FLT4: variants seen among roughly 807,000 people sequenced by gnomAD.
The protein encoded by FLT4 is vascular endothelial growth factor receptor 3.
Under a neutral mutation model 163.2 loss-of-function variants are expected in FLT4, and 30 were observed. That is an observed-to-expected ratio of 0.18 (90% CI 0.14 to 0.25). The LOEUF is 0.25. Among genes scored for constraint, FLT4 ranks in the 10% least tolerant of loss-of-function variants. The probability of loss-of-function intolerance (pLI) is 1.00; values close to 1 mark genes in which losing one functional copy is unlikely to be tolerated. For missense variants in FLT4, 1,510 were observed against 1,863.8 expected (o/e 0.81, Z 3.50); for synonymous variants, 884 against 789.5 (o/e 1.12, Z -2.01).
In FLT4 at chr5:180,619,058, A is replaced by T; in HGVS notation, c.2813T>A (p.Phe938Tyr). Residue 938 changes from phenylalanine to tyrosine, a missense_variant, in exon 20 of 30, where the codon TTC (phenylalanine) becomes TAC (tyrosine). This residue lies in a region of FLT4 where 878 missense variants were observed against 1,016.7 expected (regional missense o/e 0.86). Coordinates refer to ENST00000261937, the MANE Select transcript of FLT4 (RefSeq NM_182925.5). The part of the protein sequence containing the change: ...EFCKYGNLSN[F>Y]LRAKRDAFSP... Reference sequence around the variant, plus strand: ...GAAGGCGTCCCGCTTGGCGCGCAGGAAGTTGGAGAGGTTGCCGTACTTGCA... The same window carrying T: ...GAAGGCGTCCCGCTTGGCGCGCAGGTAGTTGGAGAGGTTGCCGTACTTGCA... 1 of 1,559,776 alleles carries T rather than the reference A, an allele frequency of 6.4e-7. No individual in the cohort carries two copies. Among genetic ancestry groups the T allele is most frequent in the Non-Finnish European group, 8.7e-7 (1 of 1,153,968 alleles).
rs375640346 is a variant in FLT4, at chr5:180,609,870, C to T, written c.3807+35G>A. ...CCCCTGAGGCGGCCCCAGCCCTGAGCCGAGAGCGCAGCCCCCACCCTTCAT... is the reference window on the plus strand; with the variant it reads ...CCCCTGAGGCGGCCCCAGCCCTGAGTCGAGAGCGCAGCCCCCACCCTTCAT... On this transcript the variant is annotated intron_variant, in intron 28 of 29. Transcript: ENST00000261937. 23 of 1,613,254 alleles carry T rather than the reference C, an allele frequency of 1.4e-5. No homozygotes were observed. In the African/African-American group the frequency reaches 2.8e-4, roughly 20 times the overall value.
intron 1 of FLT4, among the ~76,000 whole-genome samples, chr5:180,643,003 GAGGTT>G (rs1227042017): frequency 1.3e-5 from 2 of 152,250 alleles, no homozygotes; most frequent in African/African-American, 4.8e-5. Flanking sequence ...CTAGCACACA[GAGGTT>G]AACGCATTCC....
At chr5:180,637,568 C>T (rs938370829) in intron 1 of FLT4, among the ~76,000 whole-genome samples, 9 of 152,036 alleles carry the variant, frequency 5.9e-5, no homozygotes, top group Admixed American at 3.9e-4. Flanking sequence ...GAGTTTAGCT[C>T]GTCGCCCAGG....
At chr5:180,644,153 G>C (rs1341252991) in intron 1 of FLT4, among the ~76,000 whole-genome samples, 1 of 152,168 alleles carries the variant, frequency 6.6e-6, no homozygotes, top group Non-Finnish European at 1.5e-5. Flanking sequence ...GGGCTTCTGT[G>C]TGTCTTTTCG....
chr5:180,605,065 A>G (rs928162065), intron 29 of FLT4, among the ~76,000 whole-genome samples: 4 of 149,536 alleles, frequency 2.7e-5, no homozygotes, highest in African/African-American at 9.9e-5. Flanking sequence ...GGCTCAAGCA[A>G]CTCTCCCACC....
At chr5:180,621,367 C>T (rs566659586) in intron 13 of FLT4, 115 bp from the exon 14 acceptor site, 9 of 1,429,528 alleles carry the variant, frequency 6.3e-6, no homozygotes, top group South Asian at 4.1e-5. Context: ...AGGGGTTGTG[C>T]GCCGGGCAGG....
Position 180,626,145 on chromosome 5 carries a change from C to G in FLT4, c.1224G>C (p.Leu408=). Residue 408 remains leucine, a synonymous_variant, in exon 9 of 30, where the codon CTG becomes CTC. Coordinates refer to ENST00000261937, the MANE Select transcript of FLT4 (RefSeq NM_182925.5). The stretch of plus-strand genomic sequence containing the variant: ...CCAGCTCCAGGCTGATGTTGCGCCT[C>G]AGGCCAGCAGCGGAGTTCCACAGGG... The part of the protein sequence containing the change: ...TLALWNSAAG[L]RRNISLELVV... 6.2e-7 allele frequency: 1 copy of G among 1,612,866 alleles called. No individual in the cohort carries two copies. Among genetic ancestry groups the G allele is most frequent in the Non-Finnish European group, 8.5e-7 (1 of 1,180,016 alleles).
intron 1 of FLT4, among the ~76,000 whole-genome samples, chr5:180,644,114 G>A (rs114754284): frequency 0.044 from 6,672 of 152,242 alleles, 211 homozygotes; most frequent in South Asian, 0.11. Context: ...ACCATGACCC[G>A]CTCTTAACGG....
chr5:180,615,063 T>C (rs1364609438), intron 23 of FLT4, among the ~76,000 whole-genome samples: 13 of 152,214 alleles, frequency 8.5e-5, no homozygotes, highest in East Asian at 3.8e-4. Context: ...GGGCAGGCCC[T>C]GGGAGTCAGG....
Position 180,618,736 on chromosome 5 carries a change from G to A in FLT4, c.3001+34C>T, listed in dbSNP as rs781567378. On this transcript the variant is annotated intron_variant, in intron 21 of 29. Coordinates refer to ENST00000261937, the MANE Select transcript of FLT4 (RefSeq NM_182925.5). Reference sequence around the variant, plus strand: ...TCACGGGATATAACCGGGCCCGTCAGGCACTAGGAAAAGGGAAGAGGCCAG... The same window carrying A: ...TCACGGGATATAACCGGGCCCGTCAAGCACTAGGAAAAGGGAAGAGGCCAG... 1.3e-4 allele frequency: 201 copies of A among 1,573,338 alleles called. 4 individuals carry two copies. In the South Asian group the frequency reaches 2.2e-3, roughly 17 times the overall value.
At chr5:180,604,457 C>T (rs572709541) in intron 29 of FLT4, among the ~76,000 whole-genome samples, 11 of 152,228 alleles carry the variant, frequency 7.2e-5, no homozygotes, top group African/African-American at 2.2e-4. Flanking sequence ...CATCCTCCCG[C>T]GGACTGCTGT....
intron 29 of FLT4, among the ~76,000 whole-genome samples, chr5:180,608,664 G>T (rs1256434896): frequency 6.6e-6 from 1 of 152,154 alleles, no homozygotes; most frequent in Non-Finnish European, 1.5e-5. Flanking sequence ...CTGGAGGAGA[G>T]TGTGTGTGCC....
At position 180,621,097 on chromosome 5, in the gene FLT4, C is replaced by A; in HGVS notation, c.2167+9G>T. 2 of 1,612,756 alleles carry A rather than the reference C, an allele frequency of 1.2e-6. No homozygotes were observed. Among genetic ancestry groups the A allele is most frequent in the Non-Finnish European group, 1.7e-6 (2 of 1,179,962 alleles). ...CGGACCTGCCCTTCGCCAGGGCCAC[C>A]CTCCCTACCAGACTTTTCCTCCAGC... On this transcript the variant is annotated intron_variant, in intron 14 of 29. Coordinates refer to ENST00000261937, the MANE Select transcript of FLT4 (RefSeq NM_182925.5).
chr5:180,601,717 T>C lies in FLT4; in HGVS notation c.*1475A>G, dbSNP rs307822. ...ACCTCCAGATCCTCCCAGGGAAGCC[T>C]GACACGCCAGTCCCACGTTGGACGA... On this transcript the variant is annotated 3_prime_UTR_variant, in exon 30 of 30. Coordinates refer to ENST00000261937, the MANE Select transcript of FLT4 (RefSeq NM_182925.5). 184,068 of 233,120 alleles carry C rather than the reference T, an allele frequency of 0.79. 75,327 individuals are homozygous for C. Among genetic ancestry groups the C allele is most frequent in the Non-Finnish European group, 0.9 (106,295 of 118,110 alleles). The allele number at this position is 233,120 out of a possible 1,614,324, so 14.4% of individuals were successfully genotyped here.
At chr5:180,603,541 G>A (rs552677687) in intron 29 of FLT4, 151 bp from the exon 30 acceptor site, 129 of 730,682 alleles carry the variant, frequency 1.8e-4, no homozygotes, top group African/African-American at 7.7e-4. Context: ...GGGAAACCCC[G>A]TCTCTACAAA....
In FLT4 at chr5:180,616,890, G is replaced by GGAAGCTCACCTTTCGGGA. The variant is rs771442851; in HGVS notation, c.3088_3096+9dup. The GGAAGCTCACCTTTCGGGA allele has an allele frequency of 6.2e-7, 1 of 1,609,942 alleles. No homozygotes were observed. The highest frequency in any genetic ancestry group is 1.7e-5 in the Admixed American group (1 of 60,000). On this transcript the variant is annotated intron_variant, in intron 22 of 29. Coordinates refer to ENST00000261937, the MANE Select transcript of FLT4 (RefSeq NM_182925.5). ...TTTTCCCGTCTGAAGGGCCTTCGGG[G>GGAAGCTCACCTTTCGGGA]GAAGCTCACCTTTCGGGAAGCCAGG...
At position 180,630,350 on chromosome 5, in the gene FLT4, A is replaced by G. The variant is rs1277451956; in HGVS notation, c.401-13T>C. 1 of 1,605,106 alleles carries G rather than the reference A, an allele frequency of 6.2e-7. No homozygotes were observed. The highest frequency in any genetic ancestry group is 8.5e-7 in the Non-Finnish European group (1 of 1,178,204). On this transcript the variant is annotated splice_polypyrimidine_tract_variant and intron_variant, in intron 3 of 29. Transcript: ENST00000261937. This position sits in a 1 kb window ranked among gnomAD's most constrained non-coding sequence, Gnocchi z 6.3. Reference sequence around the variant, plus strand: ...GGCTGCTCAAAGTCTATGGAGAGGGAGCAAGCTGTTGGGGAAGGGACGTGG... The same window carrying G: ...GGCTGCTCAAAGTCTATGGAGAGGGGGCAAGCTGTTGGGGAAGGGACGTGG...
chr5:180,645,848 CACTG>C (rs1765465173), intron 1 of FLT4, among the ~76,000 whole-genome samples: 1 of 152,190 alleles, frequency 6.6e-6, no homozygotes, highest in African/African-American at 2.4e-5. Context: ...CAGCTGGACA[CACTG>C]ACTGAATCTT....
At chr5:180,618,992 C>T (rs1476319613) in intron 20 of FLT4, 29 bp downstream of exon 20, 2 of 1,546,944 alleles carry the variant, frequency 1.3e-6, no homozygotes, top group Non-Finnish European at 8.7e-7. Flanking sequence ...CCCCCGCCGC[C>T]CGCGGCGCCC....
Sources: gnomAD v4.1 joint callset for allele counts (sites outside exome capture counted in the v4.1 genomes callset) on GRCh38, gnomAD v4.1.1 for gene constraint, gnomAD v4.1.1 regional missense constraint, Gnocchi (gnomAD v3.1) non-coding constraint, MANE v1.5 for transcripts, NCBI Gene and HGNC (gene_info 2026-07-23, HGNC 2026-07-21) for gene names.